Variants in C1QTNF3 observed in about 807,000 individuals in gnomAD.
C1QTNF3 encodes the protein C1q and TNF related 3.
Under a neutral mutation model 32.6 loss-of-function variants are expected in C1QTNF3, and 26 were observed. The observed-to-expected ratio is 0.80, with a 90% confidence interval of 0.58 to 1.11. The LOEUF (loss-of-function observed/expected upper bound fraction) is 1.11. C1QTNF3 is among the 50% of genes least tolerant of loss of function. The pLI is 0.00. For missense variants in C1QTNF3, 362 were observed against 398.2 expected (o/e 0.91, Z 0.77); for synonymous variants, 155 against 146.0 (o/e 1.06, Z -0.44).
chr5:34,236,099 A>G, the C1QTNF3 span, among the ~76,000 whole-genome samples: 1 of 152,210 alleles, frequency 6.6e-6, no homozygotes, highest in African/African-American at 2.4e-5. Context: ...TTGGAGACTA[A>G]GTTGGATATA....
intron 1 of C1QTNF3, among the ~76,000 whole-genome samples, chr5:34,042,313 A>C (rs1396025438): frequency 6.6e-6 from 1 of 152,112 alleles, no homozygotes; most frequent in Non-Finnish European, 1.5e-5. Context: ...AATGCTATAA[A>C]TCAAATAAAC....
At chr5:34,095,033 C>T in the C1QTNF3 span, among the ~76,000 whole-genome samples, 1 of 151,802 alleles carries the variant, frequency 6.6e-6, no homozygotes, top group Non-Finnish European at 1.5e-5. Flanking sequence ...GTATAATGCA[C>T]ACTGATCAAG....
At position 34,019,809 on chromosome 5, in the gene C1QTNF3, T is replaced by C. The variant is rs188845186; in HGVS notation, c.*774A>G. 1.3e-5 allele frequency: 2 copies of C among 152,368 alleles called. No homozygotes were observed. Among genetic ancestry groups the C allele is most frequent in the Admixed American group, 6.5e-5 (1 of 15,306 alleles). The allele number at this position is 152,368 out of a possible 1,614,324, so 9.4% of individuals were successfully genotyped here. On this transcript the variant is annotated 3_prime_UTR_variant, in exon 6 of 6. Transcript: ENST00000382065. Reference sequence around the variant, plus strand: ...CTCTAAGGTATTTATTAATAGTGTATGTTCTTCAGATATAAAATCCCTCTG... The same window carrying C: ...CTCTAAGGTATTTATTAATAGTGTACGTTCTTCAGATATAAAATCCCTCTG...
the C1QTNF3 span, among the ~76,000 whole-genome samples, chr5:34,140,804 T>G: frequency 2.0e-5 from 3 of 152,232 alleles, no homozygotes. Flanking sequence ...ACTCAAATGA[T>G]TTCACAAACT....
At chr5:34,023,177 A>G (rs1472998846) in intron 5 of C1QTNF3, among the ~76,000 whole-genome samples, 2 of 152,148 alleles carry the variant, frequency 1.3e-5, no homozygotes, top group Non-Finnish European at 2.9e-5. Flanking sequence ...TATAGACAGC[A>G]GAGCTGCTTT....
rs1754297027 is a variant in C1QTNF3 at position 34,020,466 on chromosome 5, A to G, written c.*117T>C. The G allele has an allele frequency of 4.0e-6, 5 of 1,244,280 alleles. No homozygotes were observed. The highest frequency in any genetic ancestry group is 5.7e-6 in the Non-Finnish European group (5 of 884,578). 77.1% of individuals were successfully genotyped at this position (1,244,280 alleles called of 1,614,324 possible). A position where few individuals can be genotyped will look rare whatever the true frequency, so the allele number is the denominator to read the frequency against. ...GTACCTGTAGCGTGAACAACATTGC[A>G]ACCAATAATTTTTTGAATACAGCAA... On this transcript the variant is annotated 3_prime_UTR_variant, in exon 6 of 6. Coordinates refer to ENST00000382065, the MANE Select transcript of C1QTNF3 (RefSeq NM_181435.6).
the C1QTNF3 span, among the ~76,000 whole-genome samples, chr5:34,215,773 C>T: frequency 6.6e-6 from 1 of 152,148 alleles, no homozygotes; most frequent in South Asian, 2.1e-4. Context: ...GCTGATACCA[C>T]AGGAACATGC....
At chr5:34,068,571 CAACAT>C in the C1QTNF3 span, among the ~76,000 whole-genome samples, 1 of 151,292 alleles carries the variant, frequency 6.6e-6, no homozygotes. Flanking sequence ...AGATTTAATT[CAACAT>C]AATATTTGTA....
the C1QTNF3 span, among the ~76,000 whole-genome samples, chr5:34,170,630 C>T: frequency 1.3e-3 from 205 of 152,154 alleles, no homozygotes; most frequent in African/African-American, 4.6e-3. Flanking sequence ...TAATAAAGTG[C>T]TCTTTAATAT....
chr5:34,182,100 G>T, the C1QTNF3 span, among the ~76,000 whole-genome samples: 1 of 152,300 alleles, frequency 6.6e-6, no homozygotes, highest in African/African-American at 2.4e-5. Flanking sequence ...ATTCACCGCA[G>T]CCCCTGCCTC....
At chr5:34,224,873 A>C in the C1QTNF3 span, among the ~76,000 whole-genome samples, 3 of 152,136 alleles carry the variant, frequency 2.0e-5, no homozygotes, top group African/African-American at 7.2e-5. Context: ...GCAGCCTACA[A>C]AATGGGAGAA....
intron 4 of C1QTNF3, among the ~76,000 whole-genome samples, chr5:34,027,883 T>C (rs961854195): frequency 6.6e-6 from 1 of 152,210 alleles, no homozygotes; most frequent in African/African-American, 2.4e-5. Context: ...TGTTAGTTTT[T>C]TTTTTTAAAG....
At chr5:34,072,377 G>GAAAGAAA in the C1QTNF3 span, among the ~76,000 whole-genome samples, 3 of 143,722 alleles carry the variant, frequency 2.1e-5, no homozygotes, top group African/African-American at 5.4e-5. Context: ...GAAAGAGAAA[G>GAAAGAAA]AAAGAAAGAA....
chr5:34,119,103 T>A, the C1QTNF3 span, among the ~76,000 whole-genome samples: 1 of 152,202 alleles, frequency 6.6e-6, no homozygotes, highest in Non-Finnish European at 1.5e-5. Context: ...TTTTAAAAAT[T>A]GAAATAATGT....
chr5:34,033,044 G>T (rs1054747829), intron 3 of C1QTNF3: 3 of 392,328 alleles, frequency 7.6e-6, no homozygotes, highest in South Asian at 5.6e-5. Context: ...TATATTTAGG[G>T]TTGCCTTGGA....
the C1QTNF3 span, among the ~76,000 whole-genome samples, chr5:34,238,781 T>A: frequency 6.6e-6 from 1 of 151,828 alleles, no homozygotes; most frequent in African/African-American, 2.4e-5. Context: ...ATCCAAAAAA[T>A]ACAGCAAACC....
rs965773888 is a variant in C1QTNF3, at chr5:34,042,688, A to T, written c.303+135T>A. ...CCAAGAGCAATCCAGAAAGAGATTCACAAGCAGCTTAGCGAACTTCTCGAA... is the reference window on the plus strand; with the variant it reads ...CCAAGAGCAATCCAGAAAGAGATTCTCAAGCAGCTTAGCGAACTTCTCGAA... On this transcript the variant is annotated intron_variant, in intron 1 of 5. Coordinates refer to ENST00000382065, the MANE Select transcript of C1QTNF3 (RefSeq NM_181435.6). The T allele has an allele frequency of 8.4e-6, 7 of 831,964 alleles. No individual in the cohort carries two copies. The Admixed American group carries it at 2.0e-4, about 23-fold the overall frequency. The allele number at this position is 831,964 out of a possible 1,614,324, so 51.5% of individuals were successfully genotyped here. A position where few individuals can be genotyped will look rare whatever the true frequency, so the allele number is the denominator to read the frequency against.
At chr5:34,079,490 T>C in the C1QTNF3 span, among the ~76,000 whole-genome samples, 1 of 151,672 alleles carries the variant, frequency 6.6e-6, no homozygotes, top group African/African-American at 2.4e-5. Context: ...ATTATCTTTG[T>C]TTTTTTATTA....
At chr5:34,143,671 T>C in the C1QTNF3 span, among the ~76,000 whole-genome samples, 1 of 152,214 alleles carries the variant, frequency 6.6e-6, no homozygotes, top group Non-Finnish European at 1.5e-5. Context: ...AAGACTTTCA[T>C]ATCCCACCAA....
Sources: allele counts gnomAD v4.1 joint callset (sites outside exome capture counted in the v4.1 genomes callset), GRCh38; gene constraint gnomAD v4.1.1; transcripts MANE v1.5; gene names NCBI Gene and HGNC (gene_info 2026-07-23, HGNC 2026-07-21).